The following HEPACAM2 variants were observed in gnomAD, a reference collection of about 807,000 sequenced individuals.
HEPACAM2 encodes mitotic kinetics regulator.
HEPACAM2 carries 49 observed loss-of-function variants against 49.6 expected under a neutral mutation model. The ratio of observed to expected loss-of-function variants is 0.99; its 90% CI spans 0.78 to 1.25. The LOEUF is 1.25. HEPACAM2 is among the 50% of genes most tolerant of loss of function. The pLI is 0.00. For synonymous variants in HEPACAM2, 197 were observed against 202.9 expected, an observed-to-expected ratio of 0.97 and a Z score of 0.25; for missense variants, 525 against 557.2, an observed-to-expected ratio of 0.94 and a Z score of 0.58.
upstream of HEPACAM2, among the ~76,000 whole-genome samples, chr7:93,229,341 C>T (rs1014993968): frequency 3.9e-5 from 6 of 152,152 alleles, no homozygotes; most frequent in East Asian, 3.8e-4. Flanking sequence ...TGTCTTCTTC[C>T]TGGGCACCTC....
chr7:93,192,140 C>A, intron 9 of HEPACAM2, 114 bp downstream of exon 9: 1 of 665,794 alleles, frequency 1.5e-6, no homozygotes, highest in Non-Finnish European at 2.5e-6. Flanking sequence ...TGTACAGAAG[C>A]TATAATTTCT....
chr7:93,219,100 C>T lies in HEPACAM2; in HGVS notation c.430+1G>A, dbSNP rs147300527. 1.6e-4 allele frequency: 253 copies of T among 1,612,510 alleles called. 1 individual carries two copies. Among genetic ancestry groups the T allele is most frequent in the Admixed American group, 4.3e-4 (26 of 59,912 alleles). On this transcript the variant is annotated splice_donor_variant, in intron 2 of 9. Transcript: ENST00000394468. LOFTEE classifies it high-confidence loss of function. The stretch of plus-strand genomic sequence containing the variant: ...CCCTCGTACACTCACAGGGGACTCA[C>T]CATCAACCGTGACTTGTATCTTCTG...
chr7:93,209,857 A>T (rs190115088), intron 3 of HEPACAM2, among the ~76,000 whole-genome samples: 145 of 152,098 alleles, frequency 9.5e-4, no homozygotes, highest in African/African-American at 3.4e-3. Flanking sequence ...AAATAGACAT[A>T]GGGGTGTTTG....
chr7:93,225,086 T>G (rs1179028954), intron 1 of HEPACAM2, among the ~76,000 whole-genome samples: 1 of 152,144 alleles, frequency 6.6e-6, no homozygotes, highest in African/African-American at 2.4e-5. Flanking sequence ...TTTATTTTAG[T>G]TGAATTCCTT....
At chr7:93,205,923 A>G (rs867954518) in intron 4 of HEPACAM2, among the ~76,000 whole-genome samples, 22 of 152,116 alleles carry the variant, frequency 1.4e-4, no homozygotes, top group African/African-American at 4.3e-4. Flanking sequence ...CTTATTTACT[A>G]TAATAACAAA....
At position 93,219,442 on chromosome 7, in the gene HEPACAM2, G is replaced by A. The variant is rs1794400842; in HGVS notation, c.89C>T (p.Ser30Leu). Residue 30 changes from serine to leucine, a missense_variant, in exon 2 of 10, where the codon TCG becomes TTG. By Grantham distance (145) the Ser-to-Leu change is moderately radical. Coordinates refer to ENST00000394468, the MANE Select transcript of HEPACAM2 (RefSeq NM_001039372.4). ...KIYLLLFGAC[S>L]GLKVTVPSHT... ...TGATGGCACTGTCACCTTCAGCCCCGAGCAAGCACCTGTTGCAAAGGAAAG... is the reference window on the plus strand; with the variant it reads ...TGATGGCACTGTCACCTTCAGCCCCAAGCAAGCACCTGTTGCAAAGGAAAG... The A allele has an allele frequency of 1.2e-6, 2 of 1,613,870 alleles. No individual in the cohort carries two copies. Among genetic ancestry groups the A allele is most frequent in the African/African-American group, 1.3e-5 (1 of 74,998 alleles).
rs1330156852 is a variant in HEPACAM2, at chr7:93,195,912, A to G, written c.1202-11T>C. 1 of 1,594,926 alleles carries G rather than the reference A, an allele frequency of 6.3e-7. No homozygotes were observed. The highest frequency in any genetic ancestry group is 8.6e-7 in the Non-Finnish European group (1 of 1,164,252). ...GAGCATCTTCATGGCCTGAAATGTA[A>G]AACAAATACTGCTTACAAACCGAAT... On this transcript the variant is annotated splice_polypyrimidine_tract_variant and intron_variant, in intron 7 of 9. Transcript: ENST00000394468.
At chr7:93,202,975 AC>A (rs1402943507) in intron 4 of HEPACAM2, among the ~76,000 whole-genome samples, 1 of 152,086 alleles carries the variant, frequency 6.6e-6, no homozygotes, top group Admixed American at 6.6e-5. Flanking sequence ...ATTCTCTCCT[AC>A]AGAGGATCCC....
intron 4 of HEPACAM2, among the ~76,000 whole-genome samples, chr7:93,204,259 T>C (rs1408710745): frequency 1.3e-5 from 2 of 152,158 alleles, no homozygotes; most frequent in African/African-American, 2.4e-5. Context: ...ATTTATACAA[T>C]TGAATGCCTT....
chr7:93,208,327 A>G (rs985816796), intron 4 of HEPACAM2, among the ~76,000 whole-genome samples: 1 of 152,058 alleles, frequency 6.6e-6, no homozygotes, highest in Non-Finnish European at 1.5e-5. Flanking sequence ...CACATTTAGA[A>G]GTAATTTGTG....
chr7:93,224,970 C>A (rs889274623), intron 1 of HEPACAM2, among the ~76,000 whole-genome samples: 1 of 152,126 alleles, frequency 6.6e-6, no homozygotes, highest in African/African-American at 2.4e-5. Context: ...GTCTTTACAA[C>A]ACACTGCCTA....
rs1793455994 is a variant in HEPACAM2 at position 93,188,581 on chromosome 7, C to G, written c.*686G>C. On this transcript the variant is annotated 3_prime_UTR_variant, in exon 10 of 10. Coordinates refer to ENST00000394468, the MANE Select transcript of HEPACAM2 (RefSeq NM_001039372.4). ...TACTCTACAAGACAAAGAATTAAGA[C>G]CACATAAAAGCAAAAACAGAATAAT... The G allele has an allele frequency of 6.6e-6, 1 of 152,122 alleles. No homozygotes were observed. The highest frequency in any genetic ancestry group is 6.6e-5 in the Admixed American group (1 of 15,158). The allele number at this position is 152,122 out of a possible 1,614,324, so 9.4% of individuals were successfully genotyped here.
intron 4 of HEPACAM2, among the ~76,000 whole-genome samples, chr7:93,204,283 C>A (rs577170503): frequency 1.9e-3 from 296 of 152,176 alleles, no homozygotes; most frequent in Admixed American, 3.2e-3. Flanking sequence ...TAAATGTGAA[C>A]ATTTGAATAC....
At chr7:93,198,850 AT>A (rs1793803828) in intron 4 of HEPACAM2, among the ~76,000 whole-genome samples, 3 of 152,094 alleles carry the variant, frequency 2.0e-5, no homozygotes, top group Admixed American at 2.0e-4. Flanking sequence ...AACAGCCAAA[AT>A]AAGGGAGGAA....
intron 8 of HEPACAM2, among the ~76,000 whole-genome samples, chr7:93,193,047 C>T (rs948093767): frequency 6.6e-6 from 1 of 152,058 alleles, no homozygotes; most frequent in African/African-American, 2.4e-5. Flanking sequence ...AACACTCCCT[C>T]CCAATTATTT....
intron 4 of HEPACAM2, among the ~76,000 whole-genome samples, chr7:93,201,983 A>G (rs1401751687): frequency 1.3e-5 from 2 of 149,442 alleles, no homozygotes; most frequent in Non-Finnish European, 3.0e-5. Flanking sequence ...AAAGGCAAAT[A>G]GAATGCTCTC....
chr7:93,229,956 C>T (rs1314458074), upstream of HEPACAM2, among the ~76,000 whole-genome samples: 1 of 152,124 alleles, frequency 6.6e-6, no homozygotes, highest in Non-Finnish European at 1.5e-5. Flanking sequence ...TTTATTTAGA[C>T]ACCAGCGCTG....
chr7:93,192,280 G>T lies in HEPACAM2; in HGVS notation c.1359C>A (p.Ile453=). The change falls in exon 9 of 10, where the codon ATC becomes ATA. Residue 453 remains isoleucine (I), a synonymous_variant. Transcript: ENST00000394468. The part of the protein sequence containing the change: ...HSTVYEVIQH[I]PAQQQDHPE Reference sequence around the variant, plus strand: ...CTGGATGGTCTTGCTGCTGGGCAGGGATGTGCTGAATAACTTCATACACTG... The same window carrying T: ...CTGGATGGTCTTGCTGCTGGGCAGGTATGTGCTGAATAACTTCATACACTG... 6.2e-7 allele frequency: 1 copy of T among 1,612,550 alleles called. No individual in the cohort carries two copies. Among genetic ancestry groups the T allele is most frequent in the African/African-American group, 1.3e-5 (1 of 74,938 alleles).
At chr7:93,195,219 C>A (rs187732271) in intron 8 of HEPACAM2, among the ~76,000 whole-genome samples, 2 of 151,954 alleles carry the variant, frequency 1.3e-5, no homozygotes, top group Non-Finnish European at 2.9e-5. Flanking sequence ...TCTCCTGATC[C>A]GCTGTTTATT....
Sources: allele counts gnomAD v4.1 joint callset (sites outside exome capture counted in the v4.1 genomes callset), GRCh38; gene constraint gnomAD v4.1.1; transcripts MANE v1.5; gene names NCBI Gene and HGNC (gene_info 2026-07-23, HGNC 2026-07-21).